TAFA2: variants seen among roughly 807,000 people sequenced by gnomAD.
TAFA2 encodes the protein chemokine-like protein TAFA-2.
A neutral mutation model predicts 18.8 loss-of-function variants in TAFA2; 7 were observed. The ratio of observed to expected loss-of-function variants is 0.37; its 90% CI spans 0.21 to 0.70. TAFA2 has a LOEUF of 0.70. Among genes scored for constraint, TAFA2 ranks in the 30% least tolerant of loss-of-function variants. The pLI is 0.53. For missense variants in TAFA2, 122 were observed against 158.1 expected, an observed-to-expected ratio of 0.77 and a Z score of 1.23; for synonymous variants, 60 against 54.2, an observed-to-expected ratio of 1.11 and a Z score of -0.47.
intron 2 of TAFA2, chr12:61,776,104 G>C (rs1388960704): frequency 9.0e-6 from 4 of 442,498 alleles, no homozygotes; most frequent in African/African-American, 2.0e-5. Context: ...GGCAAAACTG[G>C]AAGAGTCTAC....
chr12:62,257,491 T>C (rs2062946500), intron 1 of TAFA2, among the ~76,000 whole-genome samples: 1 of 152,150 alleles, frequency 6.6e-6, no homozygotes, highest in African/African-American at 2.4e-5. Context: ...AGGAATTGTT[T>C]AAATATCAGT....
At chr12:61,943,577 C>T (rs1219792148) in intron 1 of TAFA2, among the ~76,000 whole-genome samples, 3 of 150,022 alleles carry the variant, frequency 2.0e-5, no homozygotes, top group Non-Finnish European at 1.5e-5. Flanking sequence ...TGCAGAGACA[C>T]ACATAGGCTC....
intron 1 of TAFA2, among the ~76,000 whole-genome samples, chr12:62,154,849 C>T (rs776820296): frequency 2.6e-5 from 4 of 152,002 alleles, no homozygotes; most frequent in Admixed American, 6.6e-5. Context: ...AAATTAAAAA[C>T]ATATGTGATT....
chr12:62,245,481 A>G (rs1016997690), intron 1 of TAFA2, among the ~76,000 whole-genome samples: 21 of 151,766 alleles, frequency 1.4e-4, no homozygotes, highest in Admixed American at 2.0e-4. Flanking sequence ...GTCAATAAAT[A>G]GAGACAATTT....
At chr12:61,871,961 G>A (rs188526213) in intron 1 of TAFA2, among the ~76,000 whole-genome samples, 77 of 152,182 alleles carry the variant, frequency 5.1e-4, no homozygotes, top group East Asian at 3.9e-3. Context: ...GCGTGGTGGC[G>A]GGCGCCTGTA....
intron 2 of TAFA2, among the ~76,000 whole-genome samples, chr12:61,834,683 C>T (rs11174192): frequency 0.11 from 16,801 of 151,910 alleles, 1,135 homozygotes; most frequent in East Asian, 0.2. Context: ...TAACTTCAAA[C>T]AGTGACAACC....
chr12:61,919,564 T>G (rs1455592198), intron 1 of TAFA2, among the ~76,000 whole-genome samples: 1 of 152,192 alleles, frequency 6.6e-6, no homozygotes, highest in East Asian at 1.9e-4. Context: ...CCACTATCTA[T>G]CTAGCTGATC....
At chr12:61,828,058 G>A (rs1382650328) in intron 2 of TAFA2, among the ~76,000 whole-genome samples, 1 of 151,880 alleles carries the variant, frequency 6.6e-6, no homozygotes, top group Non-Finnish European at 1.5e-5. Flanking sequence ...ACAATGCATT[G>A]TTTTATTTAC....
intron 1 of TAFA2, among the ~76,000 whole-genome samples, chr12:62,124,019 G>A (rs1870341002): frequency 6.6e-6 from 1 of 152,106 alleles, no homozygotes; most frequent in Non-Finnish European, 1.5e-5. Context: ...TTTGGAAACA[G>A]AAAAGATTTA....
chr12:61,847,122 A>T lies in TAFA2; in HGVS notation c.106+20198T>A, dbSNP rs115506421. On this transcript the variant is annotated intron_variant, in intron 2 of 4. Transcript: ENST00000416284. ...GCTGACACATATTTACTCACTTCCT[A>T]GTAATTTTACTTTTTTGTTCAACGT... 4.9e-3 allele frequency among the ~76,000 whole-genome samples: 741 copies of T among 152,220 alleles called. 7 individuals carry two copies. Among genetic ancestry groups the T allele is most frequent in the African/African-American group, 0.017 (698 of 41,538 alleles).
chr12:61,972,931 T>C (rs1350883566), intron 1 of TAFA2, among the ~76,000 whole-genome samples: 1 of 151,698 alleles, frequency 6.6e-6, no homozygotes, highest in Non-Finnish European at 1.5e-5. Context: ...CTAAGTTGAG[T>C]AACTGATACT....
chr12:61,814,570 G>A (rs1398755550), intron 2 of TAFA2, among the ~76,000 whole-genome samples: 1 of 151,248 alleles, frequency 6.6e-6, no homozygotes, highest in Non-Finnish European at 1.5e-5. Context: ...TTTAGAAGGT[G>A]GGGTACACAG....
At chr12:61,720,580 G>A (rs1338683456) in intron 4 of TAFA2, 2 of 215,936 alleles carry the variant, frequency 9.3e-6, no homozygotes, top group Non-Finnish European at 9.5e-6. Context: ...ACTCCCTAAA[G>A]CTGTACCAAG....
At chr12:62,067,736 A>T (rs973270988) in intron 1 of TAFA2, among the ~76,000 whole-genome samples, 2 of 151,838 alleles carry the variant, frequency 1.3e-5, no homozygotes, top group East Asian at 1.9e-4. Context: ...TAGTAGCCCA[A>T]TTTTTCAATG....
intron 2 of TAFA2, among the ~76,000 whole-genome samples, chr12:61,824,296 A>G (rs1326070147): frequency 6.6e-6 from 1 of 152,192 alleles, no homozygotes; most frequent in African/African-American, 2.4e-5. Context: ...ACCCTGAAGC[A>G]TTGAATCCAG....
At chr12:62,032,448 T>C (rs17654807) in intron 1 of TAFA2, among the ~76,000 whole-genome samples, 15,352 of 152,162 alleles carry the variant, frequency 0.1, 991 homozygotes, top group Non-Finnish European at 0.14. Context: ...ATGTGAAATG[T>C]TATAAGGAAT....
intron 1 of TAFA2, among the ~76,000 whole-genome samples, chr12:62,036,111 C>T (rs991736557): frequency 1.3e-5 from 2 of 152,040 alleles, no homozygotes; most frequent in Non-Finnish European, 2.9e-5. Flanking sequence ...CCTCCACCCA[C>T]TAGGTGCCAA....
intron 1 of TAFA2, among the ~76,000 whole-genome samples, chr12:62,160,296 G>A (rs1427088782): frequency 6.6e-6 from 1 of 152,158 alleles, no homozygotes; most frequent in Non-Finnish European, 1.5e-5. Context: ...ATGCATTGAG[G>A]CAGCTCATGG....
chr12:61,994,700 T>C (rs948620746), intron 1 of TAFA2, among the ~76,000 whole-genome samples: 11 of 152,178 alleles, frequency 7.2e-5, no homozygotes, highest in Admixed American at 5.2e-4. Flanking sequence ...CTCATTTTTT[T>C]ATATTCTAGT....
Sources: gnomAD v4.1 joint callset for allele counts (sites outside exome capture counted in the v4.1 genomes callset) on GRCh38, gnomAD v4.1.1 for gene constraint, MANE v1.5 for transcripts, NCBI Gene and HGNC (gene_info 2026-07-23, HGNC 2026-07-21) for gene names.